PCSK5: variants seen among roughly 807,000 people sequenced by gnomAD.
PCSK5 encodes the protein proprotein convertase subtilisin/kexin type 5, also known as prohormone convertase 5.
PCSK5 carries 129 observed loss-of-function variants against 233.2 expected under a neutral mutation model. That is an observed-to-expected ratio of 0.55 (90% CI 0.48 to 0.64). PCSK5 has a LOEUF of 0.64. Among genes scored for constraint, PCSK5 ranks in the 30% least tolerant of loss-of-function variants. The pLI is 0.00. For synonymous variants in PCSK5, 825 were observed against 879.2 expected (o/e 0.94, Z 1.09); for missense variants, 2,076 against 2,430.1 (o/e 0.85, Z 3.06).
At chr9:75,896,425 A>C (rs1354076333) in intron 1 of PCSK5, among the ~76,000 whole-genome samples, 1 of 152,194 alleles carries the variant, frequency 6.6e-6, no homozygotes, top group African/African-American at 2.4e-5. Flanking sequence ...ACAGGGTAGT[A>C]CAGTGAGAAA....
intron 1 of PCSK5, among the ~76,000 whole-genome samples, chr9:75,903,576 A>AT (rs1244350455): frequency 1.5e-5 from 1 of 67,028 alleles, no homozygotes; most frequent in Non-Finnish European, 2.7e-5. Flanking sequence ...GTGTGTGTGT[A>AT]TATATATATA....
chr9:76,327,918 G>C lies in PCSK5; in HGVS notation c.4340-91G>C, dbSNP rs779652443. 269 of 801,208 alleles carry C rather than the reference G, an allele frequency of 3.4e-4. 1 individual carries two copies. Among genetic ancestry groups the C allele is most frequent in the Middle Eastern group, 1.1e-3 (3 of 2,816 alleles). The allele number at this position is 801,208 out of a possible 1,614,324, so 49.6% of individuals were successfully genotyped here. On this transcript the variant is annotated intron_variant, in intron 32 of 37. Coordinates refer to ENST00000674117, the MANE Select transcript of PCSK5 (RefSeq NM_001372043.1). ...GAAATCTCCGGAAGAAATGTGAAAG[G>C]AATGTGAAGACCCTTTCCCAGGGGA...
intron 6 of PCSK5, among the ~76,000 whole-genome samples, chr9:76,069,626 A>C (rs759806072): frequency 1.9e-4 from 29 of 152,096 alleles, no homozygotes; most frequent in Admixed American, 1.0e-3. Flanking sequence ...TTTTTTGTGA[A>C]ATTTCTATTA....
chr9:76,162,272 AAGAC>A (rs1454838421), intron 12 of PCSK5, among the ~76,000 whole-genome samples: 1 of 152,178 alleles, frequency 6.6e-6, no homozygotes, highest in Non-Finnish European at 1.5e-5. Context: ...CAGCTAAAGA[AAGAC>A]AGTTTCTTTT....
intron 1 of PCSK5, among the ~76,000 whole-genome samples, chr9:75,929,369 T>C (rs1300402636): frequency 1.3e-5 from 2 of 151,692 alleles, no homozygotes; most frequent in African/African-American, 4.9e-5. Context: ...TATGGGCTGA[T>C]GGGGACACAG....
intron 24 of PCSK5, among the ~76,000 whole-genome samples, chr9:76,261,554 G>A (rs1334022929): frequency 6.6e-6 from 1 of 152,092 alleles, no homozygotes; most frequent in Non-Finnish European, 1.5e-5. Flanking sequence ...AAATATGTAG[G>A]AATATATCTA....
At chr9:76,212,833 A>G (rs1004673583) in intron 20 of PCSK5, among the ~76,000 whole-genome samples, 4 of 152,204 alleles carry the variant, frequency 2.6e-5, no homozygotes, top group Admixed American at 6.5e-5. Flanking sequence ...TTTTGCACCT[A>G]TGGAAACGAG....
At chr9:76,207,138 C>T (rs1419383769) in intron 20 of PCSK5, among the ~76,000 whole-genome samples, 1 of 152,178 alleles carries the variant, frequency 6.6e-6, no homozygotes, top group East Asian at 1.9e-4. Flanking sequence ...TCTAAGAACA[C>T]TTGTGATTAT....
chr9:76,144,700 G>C (rs1823372370), intron 10 of PCSK5, among the ~76,000 whole-genome samples: 1 of 152,194 alleles, frequency 6.6e-6, no homozygotes, highest in Non-Finnish European at 1.5e-5. Flanking sequence ...AAAGGCACAG[G>C]TATCTTTTAA....
At chr9:76,265,228 G>A (rs1827298073) in intron 24 of PCSK5, among the ~76,000 whole-genome samples, 1 of 151,936 alleles carries the variant, frequency 6.6e-6, no homozygotes, top group African/African-American at 2.4e-5. Flanking sequence ...ACATAAAGAT[G>A]ACAGCAATAG....
chr9:76,112,923 C>T (rs575630972), intron 9 of PCSK5, among the ~76,000 whole-genome samples: 2 of 152,110 alleles, frequency 1.3e-5, no homozygotes, highest in Non-Finnish European at 2.9e-5. Context: ...AAATTTGTAT[C>T]CTCCACGACA....
intron 6 of PCSK5, 127 bp from the exon 7 acceptor site, chr9:76,071,599 G>A (rs1830482376): frequency 1.4e-6 from 1 of 737,210 alleles, no homozygotes; most frequent in African/African-American, 1.8e-5. Flanking sequence ...CTTTTGCTGG[G>A]GGAAGATATG....
Position 75,890,920 on chromosome 9 carries a change from C to A in PCSK5, c.-262C>A, listed in dbSNP as rs1004526198. The A allele has an allele frequency of 2.7e-6, 1 of 369,114 alleles. No homozygotes were observed. Among genetic ancestry groups the A allele is most frequent in the Non-Finnish European group, 4.8e-6 (1 of 207,250 alleles). The allele number at this position is 369,114 out of a possible 1,614,324, so 22.9% of individuals were successfully genotyped here. ...ACTCAGCCTCCTCCTGCGTCCGAGC[C>A]GGGGAGCATCGCCGAGCGCCCCACG... On this transcript the variant is annotated 5_prime_UTR_variant, in exon 1 of 38. Transcript: ENST00000674117.
intron 14 of PCSK5, among the ~76,000 whole-genome samples, chr9:76,177,687 AT>A (rs1366957384): frequency 2.6e-5 from 4 of 152,332 alleles, no homozygotes; most frequent in African/African-American, 9.6e-5. Flanking sequence ...CTTTATTCAT[AT>A]TTTGGTAATG....
Position 75,913,143 on chromosome 9 carries a change from A to C in PCSK5, c.193-19236A>C, listed in dbSNP as rs368831410. On this transcript the variant is annotated intron_variant, in intron 1 of 37. Transcript: ENST00000674117. Reference sequence around the variant, plus strand: ...TAAGCAGCCAGGATTCAGAACAATGACTGGGCACATTCTTCCTCAGCACCT... The same window carrying C: ...TAAGCAGCCAGGATTCAGAACAATGCCTGGGCACATTCTTCCTCAGCACCT... Among the ~76,000 whole-genome samples, 138 of 134,430 alleles carry C rather than the reference A, an allele frequency of 1.0e-3. 2 individuals are homozygous for C. In the East Asian group the frequency reaches 0.025, roughly 24 times the overall value. 88.2% of individuals were successfully genotyped at this position (134,430 alleles called of 152,430 possible). A position where few individuals can be genotyped will look rare whatever the true frequency, so the allele number is the denominator to read the frequency against.
At chr9:76,107,429 G>T in intron 9 of PCSK5, 78 bp downstream of exon 9, 1 of 792,946 alleles carries the variant, frequency 1.3e-6, no homozygotes, top group Non-Finnish European at 2.0e-6. Flanking sequence ...CCTTGTATAG[G>T]ACCCCTAGCA....
intron 35 of PCSK5, among the ~76,000 whole-genome samples, chr9:76,344,739 TG>T: frequency 6.6e-6 from 1 of 152,324 alleles, no homozygotes; most frequent in South Asian, 2.1e-4. Context: ...GATAAAATAC[TG>T]TATTTGATTT....
chr9:76,301,813 TG>T (rs1268585736), intron 27 of PCSK5, among the ~76,000 whole-genome samples: 12 of 151,992 alleles, frequency 7.9e-5, no homozygotes, highest in African/African-American at 2.7e-4. Context: ...CACCGCACTC[TG>T]GCCTGGGAAA....
At chr9:76,197,402 A>G (rs1263609518) in intron 20 of PCSK5, among the ~76,000 whole-genome samples, 1 of 152,156 alleles carries the variant, frequency 6.6e-6, no homozygotes, top group East Asian at 1.9e-4. Flanking sequence ...TTTTTAAAGA[A>G]CTTACAAACT....
Sources: allele counts gnomAD v4.1 joint callset (sites outside exome capture counted in the v4.1 genomes callset), GRCh38; gene constraint gnomAD v4.1.1; transcripts MANE v1.5; gene names NCBI Gene and HGNC (gene_info 2026-07-23, HGNC 2026-07-21).